NREP: variants seen among roughly 807,000 people sequenced by gnomAD.
NREP encodes the protein neuronal regeneration-related protein.
NREP carries 5 observed loss-of-function variants against 8.6 expected under a neutral mutation model. The observed-to-expected ratio is 0.58, with a 90% CI of 0.30 to 1.22. The LOEUF (loss-of-function observed/expected upper bound fraction) is 1.22, where lower values mean the gene tolerates loss of function less well. Among genes scored for constraint, NREP ranks in the 50% most tolerant of loss-of-function variants. The pLI is 0.07. For synonymous variants in NREP, 27 were observed against 28.0 expected, an observed-to-expected ratio of 0.96 and a Z score of 0.11; for missense variants, 86 against 82.5, an observed-to-expected ratio of 1.04 and a Z score of -0.17.
chr5:111,830,307 A>G (rs1286576608), intron 2 of NREP, among the ~76,000 whole-genome samples: 1 of 152,214 alleles, frequency 6.6e-6, no homozygotes, highest in African/African-American at 2.4e-5. Context: ...TTACAATGAC[A>G]CAGAAGGAGC....
intron 2 of NREP, among the ~76,000 whole-genome samples, chr5:111,858,207 C>T (rs1053064305): frequency 6.6e-6 from 1 of 152,134 alleles, no homozygotes; most frequent in Non-Finnish European, 1.5e-5. Context: ...GTGTTTTAAC[C>T]AGCCTCCCAG....
chr5:111,801,139 T>C (rs993570605), intron 2 of NREP, among the ~76,000 whole-genome samples: 6 of 152,256 alleles, frequency 3.9e-5, no homozygotes, highest in Admixed American at 1.3e-4. Flanking sequence ...AGAAAGTATT[T>C]AGTTTTTAAA....
chr5:111,779,432 C>G (rs1007696824), intron 2 of NREP, among the ~76,000 whole-genome samples: 5 of 152,144 alleles, frequency 3.3e-5, no homozygotes, highest in Admixed American at 3.3e-4. Flanking sequence ...GTCTGTTAGT[C>G]TTAGCTCATT....
At chr5:111,789,718 T>C (rs904307168) in intron 2 of NREP, among the ~76,000 whole-genome samples, 3 of 152,216 alleles carry the variant, frequency 2.0e-5, no homozygotes, top group Non-Finnish European at 2.9e-5. Context: ...ATTAATAATA[T>C]GAGATTATTA....
intron 2 of NREP, among the ~76,000 whole-genome samples, chr5:111,892,107 ACT>A (rs1487468044): frequency 6.6e-6 from 1 of 152,132 alleles, no homozygotes; most frequent in African/African-American, 2.4e-5. Flanking sequence ...GAAAAAACAC[ACT>A]CTCATTCATG....
At chr5:111,862,483 T>A (rs1353678672) in intron 2 of NREP, among the ~76,000 whole-genome samples, 1 of 152,142 alleles carries the variant, frequency 6.6e-6, no homozygotes, top group Non-Finnish European at 1.5e-5. Context: ...CAGAGCTCTT[T>A]CCCTCAAGGC....
intron 2 of NREP, among the ~76,000 whole-genome samples, chr5:111,879,515 A>G (rs1753994542): frequency 6.6e-6 from 1 of 152,342 alleles, no homozygotes; most frequent in African/African-American, 2.4e-5. Context: ...CTGTATACTT[A>G]CTGTCTGTCC....
intron 2 of NREP, among the ~76,000 whole-genome samples, chr5:111,827,210 T>G (rs1752650308): frequency 6.6e-6 from 1 of 152,198 alleles, no homozygotes; most frequent in Admixed American, 6.5e-5. Flanking sequence ...TAAATGTATG[T>G]TTGATAAAAC....
At chr5:111,743,840 A>T (rs1444469686) in intron 2 of NREP, among the ~76,000 whole-genome samples, 1 of 152,142 alleles carries the variant, frequency 6.6e-6, no homozygotes, top group African/African-American at 2.4e-5. Context: ...TTTAATTTCT[A>T]GTCACCAAGA....
intron 2 of NREP, among the ~76,000 whole-genome samples, chr5:111,846,845 A>C (rs182056258): frequency 3.2e-4 from 48 of 152,300 alleles, no homozygotes; most frequent in Non-Finnish European, 6.2e-4. Flanking sequence ...TTTAATAGCT[A>C]TTTGTACATA....
At chr5:111,933,602 C>A (rs1398281959) in intron 2 of NREP, among the ~76,000 whole-genome samples, 1 of 152,070 alleles carries the variant, frequency 6.6e-6, no homozygotes, top group African/African-American at 2.4e-5. Context: ...TCTTCTCACT[C>A]AGACCCATCA....
Position 111,927,519 on chromosome 5 carries a change from A to G in NREP, c.135+47755T>C, listed in dbSNP as rs55994302. 6.9e-3 allele frequency among the ~76,000 whole-genome samples: 1,057 copies of G among 152,300 alleles called. 7 individuals carry two copies. The highest frequency in any genetic ancestry group is 8.7e-3 in the Admixed American group (133 of 15,294). ...GCCCAAACCCACTATTCCTAAGGGA[A>G]AGTTAAGCTTGAGAACTAAGTGATG... On this transcript the variant is annotated intron_variant, in intron 2 of 3. Coordinates refer to the NREP transcript ENST00000395634.
intron 2 of NREP, among the ~76,000 whole-genome samples, chr5:111,780,162 C>T (rs1181861492): frequency 6.6e-6 from 1 of 152,178 alleles, no homozygotes; most frequent in Non-Finnish European, 1.5e-5. Flanking sequence ...TAAATCTCTT[C>T]ACTGTTCCTT....
chr5:111,834,986 G>T (rs944910843), intron 2 of NREP, among the ~76,000 whole-genome samples: 8 of 152,074 alleles, frequency 5.3e-5, no homozygotes, highest in Non-Finnish European at 1.0e-4. Flanking sequence ...TTGAATTTGG[G>T]TTCACATTCC....
intron 2 of NREP, among the ~76,000 whole-genome samples, chr5:111,829,128 T>C (rs1561683442): frequency 6.6e-6 from 1 of 151,986 alleles, no homozygotes; most frequent in Non-Finnish European, 1.5e-5. Flanking sequence ...TATAATTCTA[T>C]GTGGCTAGAA....
intron 2 of NREP, among the ~76,000 whole-genome samples, chr5:111,890,406 A>G (rs1484572477): frequency 6.6e-6 from 1 of 152,108 alleles, no homozygotes; most frequent in Non-Finnish European, 1.5e-5. Flanking sequence ...CTGCCAGTGG[A>G]TCTACCATTC....
intron 2 of NREP, among the ~76,000 whole-genome samples, chr5:111,965,384 C>A (rs1756614845): frequency 6.6e-6 from 1 of 152,164 alleles, no homozygotes; most frequent in Admixed American, 6.5e-5. Context: ...AAATTATTGG[C>A]AGGAGGTTGT....
intron 2 of NREP, among the ~76,000 whole-genome samples, chr5:111,768,093 T>C (rs916212072): frequency 3.9e-5 from 6 of 152,212 alleles, no homozygotes; most frequent in African/African-American, 1.4e-4. Context: ...TATAGGATAA[T>C]ATGCATATTA....
At chr5:111,815,100 G>A (rs1282930275) in intron 2 of NREP, among the ~76,000 whole-genome samples, 1 of 152,106 alleles carries the variant, frequency 6.6e-6, no homozygotes, top group Admixed American at 6.5e-5. Flanking sequence ...CCAACTGTGT[G>A]GGGAAAAGTT....
Sources: gnomAD v4.1 joint callset for allele counts (sites outside exome capture counted in the v4.1 genomes callset) on GRCh38, gnomAD v4.1.1 for gene constraint, MANE v1.5 for transcripts, NCBI Gene and HGNC (gene_info 2026-07-23, HGNC 2026-07-21) for gene names.